DNAJB1: variants seen among roughly 807,000 people sequenced by gnomAD.
DNAJB1 encodes the protein DnaJ heat shock protein family (Hsp40) member B1.
DNAJB1 carries 14 observed loss-of-function variants against 24.0 expected under a neutral mutation model. The observed-to-expected ratio is 0.58, with a 90% CI of 0.39 to 0.91. DNAJB1 has a LOEUF of 0.91. DNAJB1 is among the 40% of genes least tolerant of loss of function. The probability of loss-of-function intolerance (pLI) is 0.00; values close to 1 mark genes in which losing one functional copy is unlikely to be tolerated. For missense variants in DNAJB1, 517 were observed against 458.1 expected, an observed-to-expected ratio of 1.13 and a Z score of -1.17; for synonymous variants, 262 against 174.4, an observed-to-expected ratio of 1.50 and a Z score of -3.96.
chr19:14,524,698 TAGTC>T (rs1428525679), intron 2 of DNAJB1, among the ~76,000 whole-genome samples: 2 of 150,000 alleles, frequency 1.3e-5, no homozygotes, highest in South Asian at 2.1e-4. Context: ...ATGCAAAAAT[TAGTC>T]AGGCATGGTG....
chr19:14,549,868 G>A (rs1213954812), intron 1 of DNAJB1, among the ~76,000 whole-genome samples: 6 of 151,786 alleles, frequency 4.0e-5, no homozygotes, highest in Non-Finnish European at 8.8e-5. Context: ...ACTGGAACTC[G>A]GCATGCGGAG....
chr19:14,546,617 G>A (rs973241526), intron 1 of DNAJB1, among the ~76,000 whole-genome samples: 6 of 152,122 alleles, frequency 3.9e-5, no homozygotes, highest in South Asian at 2.1e-4. Flanking sequence ...ATGCACTACC[G>A]TGTCTAGCCT....
At chr19:14,539,738 C>T (rs142545773) in intron 1 of DNAJB1, among the ~76,000 whole-genome samples, 41 of 152,214 alleles carry the variant, frequency 2.7e-4, no homozygotes, top group African/African-American at 7.2e-4. Context: ...CCTGGCCCTT[C>T]GTGTTACCGA....
chr19:14,517,206 C>T, intron 1 of DNAJB1, 160 bp from the exon 2 acceptor site: 1 of 657,046 alleles, frequency 1.5e-6, no homozygotes, highest in Non-Finnish European at 2.5e-6. Flanking sequence ...TCACTGCCAA[C>T]AGCAGAGACG....
At chr19:14,540,749 G>A (rs1005048774) in intron 1 of DNAJB1, among the ~76,000 whole-genome samples, 1 of 152,206 alleles carries the variant, frequency 6.6e-6, no homozygotes, top group African/African-American at 2.4e-5. Flanking sequence ...GGATGGCCTC[G>A]AACTCTTGAT....
At chr19:14,551,948 T>TCTCTCTCTCTCTCTCTCC (rs2073531904), upstream of DNAJB1, among the ~76,000 whole-genome samples, 1 of 23,244 alleles carries the variant, frequency 4.3e-5, no homozygotes, top group African/African-American at 2.4e-4. Flanking sequence ...CCTCCCTCCC[T>TCTCTCTCTCTCTCTCTCC]CTCTCTCTCT....
intron 1 of DNAJB1, among the ~76,000 whole-genome samples, chr19:14,542,813 G>A (rs943675153): frequency 6.6e-6 from 1 of 152,016 alleles, no homozygotes; most frequent in African/African-American, 2.4e-5. Flanking sequence ...TCCCAGCCCT[G>A]CAAGGTGTAA....
At chr19:14,557,982 C>G (rs1218431151) in intron 1 of DNAJB1, among the ~76,000 whole-genome samples, 2 of 150,126 alleles carry the variant, frequency 1.3e-5, no homozygotes, top group African/African-American at 4.9e-5. Flanking sequence ...GTCTCGATCT[C>G]CTGACCTCGT....
At chr19:14,555,372 C>G (rs1006401803) in intron 1 of DNAJB1, among the ~76,000 whole-genome samples, 3 of 151,512 alleles carry the variant, frequency 2.0e-5, no homozygotes, top group African/African-American at 7.3e-5. Flanking sequence ...CCTCAGCCTC[C>G]TGAGTAGCTG....
chr19:14,531,303 C>T (rs539478267), upstream of DNAJB1: 1 of 152,234 alleles, frequency 6.6e-6, no homozygotes, highest in South Asian at 2.1e-4. Flanking sequence ...TCCCAAAGTA[C>T]TGGGATTACA....
At chr19:14,524,256 C>T (rs757220011) in intron 2 of DNAJB1, among the ~76,000 whole-genome samples, 16 of 152,270 alleles carry the variant, frequency 1.1e-4, no homozygotes, top group East Asian at 1.9e-4. Flanking sequence ...AGGCCAGGTG[C>T]GGTGGCTCAC....
At chr19:14,545,076 A>C (rs1191643494) in intron 1 of DNAJB1, 1 of 456,708 alleles carries the variant, frequency 2.2e-6, no homozygotes, top group Non-Finnish European at 4.4e-6. Context: ...ACTGTCTCTG[A>C]AGCCACATTT....
upstream of DNAJB1, chr19:14,529,621 G>T (rs199703577): frequency 4.8e-5 from 78 of 1,609,140 alleles, no homozygotes; most frequent in Non-Finnish European, 6.0e-5. Flanking sequence ...GGTTGCGAGC[G>T]CTGTAGGGAG....
upstream of DNAJB1, among the ~76,000 whole-genome samples, chr19:14,519,835 C>T (rs897551891): frequency 6.6e-6 from 1 of 152,134 alleles, no homozygotes; most frequent in Non-Finnish European, 1.5e-5. Context: ...GCAACACGAT[C>T]GCGTTTGGCT....
chr19:14,547,948 G>A (rs1274521160), intron 1 of DNAJB1, among the ~76,000 whole-genome samples: 1 of 147,926 alleles, frequency 6.8e-6, no homozygotes, highest in Non-Finnish European at 1.5e-5. Context: ...CCATGTGTGT[G>A]TTTAATGGGC....
In DNAJB1 at chr19:14,537,275, G is replaced by T. The variant is rs796373583; in HGVS notation, c.-213-9465C>A. Among the ~76,000 whole-genome samples the T allele has an allele frequency of 6.8e-3, 981 of 144,426 alleles. 9 individuals carry two copies. The highest frequency in any genetic ancestry group is 0.024 in the African/African-American group (941 of 38,588). The allele number at this position is 144,426 out of a possible 152,430, so 94.7% of individuals were successfully genotyped here. On this transcript the variant is annotated intron_variant, in intron 1 of 3. Coordinates refer to the DNAJB1 transcript ENST00000676982. ...GATGGGGGAGGCGGGACCAGGGAGG[G>T]GGAGGCGGGACCAGGGAGGGGGAGG...
intron 1 of DNAJB1, among the ~76,000 whole-genome samples, chr19:14,542,347 G>GGTTTTTT (rs2073124658): frequency 1.8e-4 from 8 of 43,282 alleles, no homozygotes; most frequent in African/African-American, 6.5e-4. Flanking sequence ...ATGCCATAGT[G>GGTTTTTT]TTTTTTTTTT....
Position 14,515,150 on chromosome 19 carries a change from A to G in DNAJB1, c.*790T>C, listed in dbSNP as rs1036623647. ...ATCCCTTTGAAAGAGTCCATAGTCC[A>G]TGAAACAAAAAATTACCTGGGCCAC... On this transcript the variant is annotated 3_prime_UTR_variant, in exon 3 of 3. Transcript: ENST00000254322. 1.3e-5 allele frequency: 2 copies of G among 152,664 alleles called. No individual in the cohort carries two copies. Among genetic ancestry groups the G allele is most frequent in the South Asian group, 4.1e-4 (2 of 4,838 alleles). The allele number at this position is 152,664 out of a possible 1,614,324, so 9.5% of individuals were successfully genotyped here.
In DNAJB1 at chr19:14,516,662, T is replaced by A. The variant is rs1328538533; in HGVS notation, c.596A>T (p.Asn199Ile). The change falls in exon 2 of 3, where the codon AAC becomes ATC. Residue 199 changes from asparagine to isoleucine, a missense_variant. Transcript: ENST00000254322. ...TTCGATGGTCAATATTTTGTCTTCG[T>A]TTCGAATGCTCTTTCCGTCGGGGTT... is the stretch of plus-strand genomic sequence containing the variant. ...RLNPDGKSIRNEDKILTIEVK... is the reference protein window; with the variant it reads ...RLNPDGKSIRIEDKILTIEVK... 6.2e-7 allele frequency: 1 copy of A among 1,614,224 alleles called. No homozygotes were observed. Among genetic ancestry groups the A allele is most frequent in the South Asian group, 1.1e-5 (1 of 91,078 alleles).
Sources: gnomAD v4.1 joint callset for allele counts (sites outside exome capture counted in the v4.1 genomes callset) on GRCh38, gnomAD v4.1.1 for gene constraint, MANE v1.5 for transcripts, NCBI Gene and HGNC (gene_info 2026-07-23, HGNC 2026-07-21) for gene names.